CHRM3: variants seen among roughly 807,000 people sequenced by gnomAD.
The protein encoded by CHRM3 is muscarinic acetylcholine receptor M3.
Under a neutral mutation model 41.8 loss-of-function variants are expected in CHRM3, and 11 were observed. That is an observed-to-expected ratio of 0.26 (90% CI 0.17 to 0.44). The LOEUF (loss-of-function observed/expected upper bound fraction) is 0.44, where lower values mean the gene tolerates loss of function less well. Among genes scored for constraint, CHRM3 ranks in the 20% least tolerant of loss-of-function variants. The pLI is 1.00. For missense variants in CHRM3, 571 were observed against 745.4 expected, an observed-to-expected ratio of 0.77 and a Z score of 2.72; for synonymous variants, 297 against 301.4, an observed-to-expected ratio of 0.99 and a Z score of 0.15.
At chr1:239,768,453 G>A (rs1572231050) in intron 5 of CHRM3, among the ~76,000 whole-genome samples, 1 of 151,720 alleles carries the variant, frequency 6.6e-6, no homozygotes, top group Middle Eastern at 3.4e-3. Flanking sequence ...AATGAATGAC[G>A]CAGCACTTAT....
At chr1:239,594,054 T>A (rs1211303485) in intron 3 of CHRM3, among the ~76,000 whole-genome samples, 2 of 152,248 alleles carry the variant, frequency 1.3e-5, no homozygotes, top group East Asian at 3.9e-4. Flanking sequence ...GTATCCTTTT[T>A]TCTCCCTTTT....
chr1:239,575,633 G>A (rs755209656), intron 3 of CHRM3, among the ~76,000 whole-genome samples: 5 of 152,008 alleles, frequency 3.3e-5, no homozygotes, highest in Non-Finnish European at 7.4e-5. Flanking sequence ...AGTAGACCTT[G>A]AAGGGCCCAG....
intron 6 of CHRM3, among the ~76,000 whole-genome samples, chr1:239,835,195 C>A (rs1673210940): frequency 6.6e-6 from 1 of 152,184 alleles, no homozygotes; most frequent in East Asian, 1.9e-4. Flanking sequence ...GTCTCGCTGG[C>A]CAACAGGAAA....
chr1:239,833,016 G>T (rs151142038), intron 6 of CHRM3, among the ~76,000 whole-genome samples: 94 of 152,162 alleles, frequency 6.2e-4, no homozygotes, highest in African/African-American at 2.2e-3. Context: ...TCAAGATGGG[G>T]TCTCTCTGGT....
At chr1:239,661,646 A>G (rs891167470) in intron 4 of CHRM3, among the ~76,000 whole-genome samples, 1 of 152,220 alleles carries the variant, frequency 6.6e-6, no homozygotes, top group Admixed American at 6.5e-5. Context: ...ACTGGTTGCC[A>G]AGAGTTAGCG....
At chr1:239,762,816 C>G (rs935442276) in intron 5 of CHRM3, among the ~76,000 whole-genome samples, 1 of 152,024 alleles carries the variant, frequency 6.6e-6, no homozygotes, top group Admixed American at 6.5e-5. Flanking sequence ...GGAAACTAAG[C>G]CACATGTCAT....
At chr1:239,696,486 G>C (rs932407998) in intron 5 of CHRM3, among the ~76,000 whole-genome samples, 1 of 152,022 alleles carries the variant, frequency 6.6e-6, no homozygotes, top group Non-Finnish European at 1.5e-5. Flanking sequence ...TCCTTAAACT[G>C]TGTGAGTTTC....
chr1:239,796,326 G>T lies in CHRM3; in HGVS notation c.-146-30926G>T, dbSNP rs1295737438. On this transcript the variant is annotated intron_variant, in intron 5 of 6. Transcript: ENST00000676153. ...AGAGAAAAAAGAAGTGGAAAACAAA[G>T]ATTTTTATCTGTAAATCAATGGGGA... Among the ~76,000 whole-genome samples the T allele has an allele frequency of 3.9e-5, 6 of 152,044 alleles. No individual in the cohort carries two copies. The East Asian group carries it at 5.8e-4, about 15-fold the overall frequency.
intron 2 of CHRM3, among the ~76,000 whole-genome samples, chr1:239,501,709 T>A (rs1264235758): frequency 2.0e-5 from 3 of 151,864 alleles, no homozygotes; most frequent in African/African-American, 4.8e-5. Context: ...ACAAAAAAAA[T>A]TAGCTGGGTG....
Position 239,761,648 on chromosome 1 carries a change from T to C in CHRM3, c.-146-65604T>C, listed in dbSNP as rs139711249. Among the ~76,000 whole-genome samples the C allele has an allele frequency of 4.9e-4, 74 of 152,282 alleles. 1 individual carries two copies. The Middle Eastern group carries it at 0.01, about 21-fold the overall frequency. ...ACTGAGGCAATATGCTTCGGAGTGCTCGGCCAGATGCCTCATGCGCTAGGG... is the reference window on the plus strand; with the variant it reads ...ACTGAGGCAATATGCTTCGGAGTGCCCGGCCAGATGCCTCATGCGCTAGGG... On this transcript the variant is annotated intron_variant, in intron 5 of 6. Coordinates refer to ENST00000676153, the MANE Select transcript of CHRM3 (RefSeq NM_001375978.1).
At chr1:239,760,727 C>T (rs187159044) in intron 5 of CHRM3, among the ~76,000 whole-genome samples, 21 of 152,228 alleles carry the variant, frequency 1.4e-4, no homozygotes, top group African/African-American at 4.3e-4. Context: ...GACCAGAATT[C>T]GGCTGTTATT....
intron 5 of CHRM3, among the ~76,000 whole-genome samples, chr1:239,682,709 G>A (rs543271943): frequency 6.6e-6 from 1 of 151,812 alleles, no homozygotes; most frequent in East Asian, 1.9e-4. Context: ...TGGACACTTG[G>A]TAATTTTGAG....
At chr1:239,509,689 A>G (rs12078152) in intron 2 of CHRM3, among the ~76,000 whole-genome samples, 1,969 of 152,326 alleles carry the variant, frequency 0.013, 35 homozygotes, top group South Asian at 0.038. Context: ...ATGTTTTTCA[A>G]TGTTTGGGAC....
rs201487875 is a variant in CHRM3, at chr1:239,908,671, A to G, written c.1220A>G (p.Lys407Arg). 28 of 1,612,936 alleles carry G rather than the reference A, an allele frequency of 1.7e-5. No homozygotes were observed. Among genetic ancestry groups the G allele is most frequent in the Non-Finnish European group, 2.3e-5 (27 of 1,179,548 alleles). The change falls in exon 7 of 7, where the codon AAG (lysine) becomes AGG (arginine). Residue 407 changes from lysine to arginine, a missense_variant. Physicochemically the swap from Lys to Arg is conservative, Grantham distance 26. This residue lies in a region of CHRM3 where 239 missense variants were observed against 239.6 expected (regional missense o/e 1.00). Coordinates refer to ENST00000676153, the MANE Select transcript of CHRM3 (RefSeq NM_001375978.1). The surrounding 1 kb of genome is among the most constrained non-coding windows in gnomAD (Gnocchi z 7.2). ...GMVDLERKAD[K>R]LQAQKSVDDG... ...GTGGACTTGGAGAGGAAAGCCGACA[A>G]GCTGCAGGCCCAGAAGAGCGTGGAC... is the stretch of plus-strand genomic sequence containing the variant.
chr1:239,475,531 A>T (rs1327043547), intron 1 of CHRM3, among the ~76,000 whole-genome samples: 3 of 152,152 alleles, frequency 2.0e-5, no homozygotes, highest in African/African-American at 7.2e-5. Context: ...GGACCTAGGG[A>T]TATATGACAA....
intron 5 of CHRM3, among the ~76,000 whole-genome samples, chr1:239,737,657 C>A (rs945881063): frequency 6.6e-6 from 1 of 152,064 alleles, no homozygotes; most frequent in Non-Finnish European, 1.5e-5. Flanking sequence ...TGAGAGTTGA[C>A]CTAGGGTAGA....
intron 6 of CHRM3, among the ~76,000 whole-genome samples, chr1:239,889,756 A>T (rs1678391325): frequency 1.3e-5 from 2 of 152,186 alleles, no homozygotes; most frequent in African/African-American, 4.8e-5. Context: ...TTATGAGCTC[A>T]ATCAGAAATT....
At chr1:239,423,908 A>G (rs1413262793) in intron 1 of CHRM3, among the ~76,000 whole-genome samples, 1 of 151,934 alleles carries the variant, frequency 6.6e-6, no homozygotes, top group African/African-American at 2.4e-5. Context: ...ACAAAAAATT[A>G]GCCAGGCATG....
chr1:239,555,971 C>A (rs1660312706), intron 3 of CHRM3, among the ~76,000 whole-genome samples: 1 of 152,160 alleles, frequency 6.6e-6, no homozygotes, highest in African/African-American at 2.4e-5. Context: ...GAAAGTAAAT[C>A]AATCATTTTT....
Sources: allele counts gnomAD v4.1 joint callset (sites outside exome capture counted in the v4.1 genomes callset), GRCh38; gene constraint gnomAD v4.1.1; regional missense constraint gnomAD v4.1.1; non-coding constraint Gnocchi (gnomAD v3.1); transcripts MANE v1.5; gene names NCBI Gene and HGNC (gene_info 2026-07-23, HGNC 2026-07-21).